Variants in TENM2 observed in about 807,000 individuals in gnomAD.
TENM2 encodes the protein teneurin transmembrane protein 2.
In TENM2, 52 loss-of-function variants were observed where a neutral mutation model predicts 245.2. The ratio of observed to expected loss-of-function variants is 0.21; its 90% CI spans 0.17 to 0.27. The LOEUF is 0.27. Among genes scored for constraint, TENM2 ranks in the 10% least tolerant of loss-of-function variants. The pLI is 1.00. For synonymous variants in TENM2, 1,363 were observed against 1,438.9 expected (o/e 0.95, Z 1.19); for missense variants, 3,046 against 3,666.8 (o/e 0.83, Z 4.37).
chr5:167,593,907 T>A (rs1338260881), intron 2 of TENM2, among the ~76,000 whole-genome samples: 1 of 152,186 alleles, frequency 6.6e-6, no homozygotes, highest in Non-Finnish European at 1.5e-5. Flanking sequence ...ATCCATGTTG[T>A]GGGCAAAACA....
At chr5:168,206,459 G>A (rs1581631975) in intron 19 of TENM2, among the ~76,000 whole-genome samples, 1 of 152,208 alleles carries the variant, frequency 6.6e-6, no homozygotes, top group South Asian at 2.1e-4. Context: ...TGGCACCTGG[G>A]GAAGTCAGTG....
chr5:167,567,944 GT>G (rs1424290272), intron 2 of TENM2, among the ~76,000 whole-genome samples: 3 of 147,670 alleles, frequency 2.0e-5, no homozygotes, highest in Non-Finnish European at 4.5e-5. Flanking sequence ...TAGGTACAAG[GT>G]AGTACTCAAA....
At chr5:167,961,094 G>A (rs1780978110) in intron 4 of TENM2, among the ~76,000 whole-genome samples, 1 of 152,168 alleles carries the variant, frequency 6.6e-6, no homozygotes, top group Non-Finnish European at 1.5e-5. Context: ...AAATCACCTG[G>A]CTTCTGTGTT....
chr5:167,576,861 A>T (rs73380917), intron 2 of TENM2, among the ~76,000 whole-genome samples: 10,248 of 152,236 alleles, frequency 0.067, 753 homozygotes, highest in African/African-American at 0.18. Context: ...ACAATCGAAA[A>T]CCTACATGAT....
At chr5:167,275,633 G>GT in the TENM2 span, among the ~76,000 whole-genome samples, 443 of 152,086 alleles carry the variant, frequency 2.9e-3, 15 homozygotes, top group East Asian at 0.072. Context: ...AATGCTTTGT[G>GT]TTTTGATTTC....
chr5:167,869,759 A>T (rs908231992), intron 2 of TENM2, among the ~76,000 whole-genome samples: 2 of 152,194 alleles, frequency 1.3e-5, no homozygotes, highest in Non-Finnish European at 2.9e-5. Context: ...GCACATGCAG[A>T]ACTACACAGA....
intron 23 of TENM2, among the ~76,000 whole-genome samples, chr5:168,224,035 T>C (rs1763919979): frequency 6.6e-6 from 1 of 152,212 alleles, no homozygotes; most frequent in Admixed American, 6.5e-5. Context: ...TCCTGATGGC[T>C]TCATAGGTTT....
the TENM2 span, among the ~76,000 whole-genome samples, chr5:167,143,107 T>G: frequency 1.3e-5 from 2 of 152,308 alleles, no homozygotes; most frequent in African/African-American, 2.4e-5. Flanking sequence ...TGTTGTTATC[T>G]GCATCATCTA....
intron 4 of TENM2, among the ~76,000 whole-genome samples, chr5:167,987,873 C>T (rs544289703): frequency 1.3e-5 from 2 of 152,250 alleles, no homozygotes; most frequent in East Asian, 1.9e-4. Context: ...ATTAGTGACA[C>T]CAGGGTGTAA....
intron 2 of TENM2, among the ~76,000 whole-genome samples, chr5:167,612,808 T>G (rs1340775795): frequency 6.6e-6 from 1 of 152,100 alleles, no homozygotes; most frequent in African/African-American, 2.4e-5. Context: ...AAATGACAAA[T>G]GTGGCAGCAT....
intron 10 of TENM2, among the ~76,000 whole-genome samples, chr5:168,121,369 G>A (rs1200368465): frequency 6.6e-6 from 1 of 152,222 alleles, no homozygotes; most frequent in Non-Finnish European, 1.5e-5. Flanking sequence ...GTGGCCACAA[G>A]AGCATCTTAG....
chr5:167,279,514 T>TTTCCTTTCCTTCC, the TENM2 span, among the ~76,000 whole-genome samples: 1 of 98,212 alleles, frequency 1.0e-5, no homozygotes, highest in Non-Finnish European at 2.1e-5. Context: ...CCTTCCTTCC[T>TTTCCTTTCCTTCC]TTCCTTCCTT....
intron 3 of TENM2, among the ~76,000 whole-genome samples, chr5:167,945,519 T>G (rs1301988853): frequency 6.6e-6 from 1 of 152,186 alleles, no homozygotes; most frequent in Non-Finnish European, 1.5e-5. Flanking sequence ...GCTTACTAAA[T>G]GGGAGCTATT....
chr5:167,594,340 T>C (rs1010503377), intron 2 of TENM2, among the ~76,000 whole-genome samples: 5 of 152,186 alleles, frequency 3.3e-5, no homozygotes, highest in African/African-American at 1.2e-4. Flanking sequence ...AGAAAGCACA[T>C]GGTATTTTAT....
intron 2 of TENM2, among the ~76,000 whole-genome samples, chr5:167,727,314 GT>G (rs1760090744): frequency 6.6e-6 from 1 of 151,822 alleles, no homozygotes; most frequent in African/African-American, 2.4e-5. Flanking sequence ...GGGTTTCACC[GT>G]GTTAGCCAGG....
chr5:167,001,641 T>C, the TENM2 span, among the ~76,000 whole-genome samples: 1 of 152,184 alleles, frequency 6.6e-6, no homozygotes, highest in Admixed American at 6.5e-5. Context: ...TTTTAGGCTT[T>C]TGCAAAGCAG....
At chr5:167,719,095 A>G (rs1759452143) in intron 2 of TENM2, among the ~76,000 whole-genome samples, 1 of 152,250 alleles carries the variant, frequency 6.6e-6, no homozygotes, top group South Asian at 2.1e-4. Flanking sequence ...ATGCAAATAA[A>G]GACAAAAAGA....
At chr5:167,262,740 A>C in the TENM2 span, among the ~76,000 whole-genome samples, 1 of 152,136 alleles carries the variant, frequency 6.6e-6, no homozygotes, top group Non-Finnish European at 1.5e-5. Context: ...AGTATTAGTA[A>C]ATTTAAACCC....
the TENM2 span, among the ~76,000 whole-genome samples, chr5:167,129,285 G>A: frequency 6.6e-6 from 1 of 152,134 alleles, no homozygotes; most frequent in Non-Finnish European, 1.5e-5. Flanking sequence ...TATTGCTGGT[G>A]TCCCGGCTTG....
Sources: allele counts gnomAD v4.1 joint callset (sites outside exome capture counted in the v4.1 genomes callset), GRCh38; gene constraint gnomAD v4.1.1; transcripts MANE v1.5; gene names NCBI Gene and HGNC (gene_info 2026-07-23, HGNC 2026-07-21).